The following SPATA13 variants were observed in gnomAD, a reference collection of about 807,000 sequenced individuals.
SPATA13 encodes the protein spermatogenesis-associated protein 13.
In SPATA13, 50 loss-of-function variants were observed where a neutral mutation model predicts 104.0. That is an observed-to-expected ratio of 0.48 (90% CI 0.38 to 0.61). The LOEUF (loss-of-function observed/expected upper bound fraction) is 0.61. Among genes scored for constraint, SPATA13 ranks in the 20% least tolerant of loss-of-function variants. The probability of loss-of-function intolerance (pLI) is 0.00; values close to 1 mark genes in which losing one functional copy is unlikely to be tolerated. For missense variants in SPATA13, 1,524 were observed against 1,690.6 expected (o/e 0.90, Z 1.73); for synonymous variants, 606 against 667.5 (o/e 0.91, Z 1.42).
At position 24,248,623 on chromosome 13, in the gene SPATA13, C is replaced by T. The variant is rs57947508; in HGVS notation, c.1654-854C>T. ...AGCCTAGTCTAGTTCTTTGAATCCT[C>T]GTTCAGTGCTCGCCCCATCAGACTG... On this transcript the variant is annotated intron_variant, in intron 2 of 12. Coordinates refer to ENST00000382108, the MANE Select transcript of SPATA13 (RefSeq NM_001166271.3). 9.9e-3 allele frequency among the ~76,000 whole-genome samples: 1,514 copies of T among 152,274 alleles called. 33 individuals carry two copies. Among genetic ancestry groups the T allele is most frequent in the African/African-American group, 0.035 (1,455 of 41,548 alleles).
At chr13:24,175,687 A>T (rs1436753172) in intron 1 of SPATA13, among the ~76,000 whole-genome samples, 1 of 152,214 alleles carries the variant, frequency 6.6e-6, no homozygotes, top group Non-Finnish European at 1.5e-5. Context: ...CATTACTATA[A>T]AAGCTAGGTT....
At chr13:24,201,451 CT>C (rs67729020) in intron 1 of SPATA13, among the ~76,000 whole-genome samples, 141,933 of 151,820 alleles carry the variant, frequency 0.93, 67,154 homozygotes, top group East Asian at 1. Flanking sequence ...AGAGTTCACT[CT>C]TTTTTTTGAG....
intron 3 of SPATA13, chr13:24,122,020 A>T (rs1488290170): frequency 7.5e-7 from 1 of 1,333,666 alleles, no homozygotes; most frequent in Non-Finnish European, 1.1e-6. Flanking sequence ...TAGGACGAAC[A>T]CAAGCTCTTC....
chr13:24,106,228 T>C (rs1460941911), intron 3 of SPATA13, among the ~76,000 whole-genome samples: 1 of 152,162 alleles, frequency 6.6e-6, no homozygotes, highest in East Asian at 1.9e-4. Context: ...CAGACAGGGC[T>C]TCTCTGTGTT....
At chr13:24,097,188 T>C (rs1880112610) in intron 3 of SPATA13, among the ~76,000 whole-genome samples, 1 of 152,058 alleles carries the variant, frequency 6.6e-6, no homozygotes, top group Admixed American at 6.6e-5. Flanking sequence ...GGTGGGTGTG[T>C]GAGGTATTTA....
chr13:24,186,305 G>A (rs565657012), intron 1 of SPATA13, among the ~76,000 whole-genome samples: 3 of 152,198 alleles, frequency 2.0e-5, no homozygotes, highest in Non-Finnish European at 4.4e-5. Flanking sequence ...TTTGGGAATA[G>A]CTACAGGAAA....
chr13:24,039,398 A>C (rs573253970), intron 3 of SPATA13, among the ~76,000 whole-genome samples: 12 of 152,320 alleles, frequency 7.9e-5, no homozygotes, highest in African/African-American at 2.9e-4. Flanking sequence ...CCTCCTTCCT[A>C]AGAGAGCACA....
At chr13:24,100,126 T>A (rs558637294) in intron 3 of SPATA13, among the ~76,000 whole-genome samples, 1 of 128,534 alleles carries the variant, frequency 7.8e-6, no homozygotes, top group African/African-American at 3.1e-5. Flanking sequence ...ATTTATTTTA[T>A]AATTTTTAAA....
chr13:24,226,676 C>A (rs1030401403), intron 2 of SPATA13, among the ~76,000 whole-genome samples: 1 of 152,192 alleles, frequency 6.6e-6, no homozygotes, highest in South Asian at 2.1e-4. Context: ...AGCAAATGCT[C>A]CTTCCCACCC....
intron 1 of SPATA13, among the ~76,000 whole-genome samples, chr13:24,183,994 CTG>C (rs1868988668): frequency 6.6e-6 from 1 of 152,140 alleles, no homozygotes; most frequent in Non-Finnish European, 1.5e-5. Flanking sequence ...CAGGAGAAAA[CTG>C]AAACACACAG....
At chr13:24,073,262 G>A (rs549098966) in intron 3 of SPATA13, among the ~76,000 whole-genome samples, 4 of 152,274 alleles carry the variant, frequency 2.6e-5, no homozygotes, top group Non-Finnish European at 5.9e-5. Context: ...TTCTAGGTTT[G>A]TGAATCCCAC....
At chr13:24,021,606 G>A (rs1876973575) in intron 3 of SPATA13, among the ~76,000 whole-genome samples, 1 of 152,302 alleles carries the variant, frequency 6.6e-6, no homozygotes, top group East Asian at 1.9e-4. Context: ...TGTTTTGAAC[G>A]TCAAAATTTG....
chr13:24,098,578 T>C (rs9553173), intron 3 of SPATA13, among the ~76,000 whole-genome samples: 56,418 of 140,800 alleles, frequency 0.4, 13,021 homozygotes, highest in Middle Eastern at 0.55. Flanking sequence ...GCCTAGGAGA[T>C]AGAGTGAGAC....
intron 3 of SPATA13, among the ~76,000 whole-genome samples, chr13:24,027,063 T>G (rs1323358536): frequency 1.3e-5 from 2 of 151,940 alleles, no homozygotes; most frequent in Non-Finnish European, 2.9e-5. Flanking sequence ...TTGATTATAG[T>G]ATAGTTCAGT....
At chr13:24,198,654 A>T (rs1870226307) in intron 1 of SPATA13, among the ~76,000 whole-genome samples, 1 of 152,196 alleles carries the variant, frequency 6.6e-6, no homozygotes, top group Non-Finnish European at 1.5e-5. Flanking sequence ...ATGTATGTTC[A>T]AGCAAGGAGG....
chr13:24,121,933 G>A (rs1178819578), intron 3 of SPATA13: 2 of 664,618 alleles, frequency 3.0e-6, no homozygotes, highest in Non-Finnish European at 5.3e-6. Context: ...CCCATCTCCT[G>A]GGGTTGTTGT....
intron 4 of SPATA13, among the ~76,000 whole-genome samples, chr13:24,256,729 A>G (rs142545163): frequency 6.6e-6 from 1 of 152,332 alleles, no homozygotes; most frequent in African/African-American, 2.4e-5. Context: ...ACAGCCTGCG[A>G]AGGCAGGTCA....
rs1322428989 is a variant in SPATA13 at position 24,271,152 on chromosome 13, G to GTCA, written c.2165-12983_2165-12982insTCA. Among the ~76,000 whole-genome samples, 3 of 151,866 alleles carry GTCA rather than the reference G, an allele frequency of 2.0e-5. No individual in the cohort carries two copies. The East Asian group carries it at 5.8e-4, about 29-fold the overall frequency. ...GGTGCTGAGGATAGTTTTAGTTGTG[G>GTCA]ACATAGTCAGTTGAAGAAATTGGTT... On this transcript the variant is annotated intron_variant, in intron 4 of 12. Transcript: ENST00000382108.
At chr13:24,182,650 C>T (rs55953887) in intron 1 of SPATA13, among the ~76,000 whole-genome samples, 3 of 152,158 alleles carry the variant, frequency 2.0e-5, no homozygotes, top group East Asian at 1.9e-4. Context: ...CCCCAGGCCC[C>T]GCTTCAACAC....
Sources: gnomAD v4.1 joint callset for allele counts (sites outside exome capture counted in the v4.1 genomes callset) on GRCh38, gnomAD v4.1.1 for gene constraint, MANE v1.5 for transcripts, NCBI Gene and HGNC (gene_info 2026-07-23, HGNC 2026-07-21) for gene names.